Variants in FGGY observed in about 807,000 individuals in gnomAD.
The protein encoded by FGGY is FGGY carbohydrate kinase domain containing.
A neutral mutation model predicts 71.3 loss-of-function variants in FGGY; 72 were observed. The ratio of observed to expected loss-of-function variants is 1.01; its 90% CI spans 0.84 to 1.23. The LOEUF (loss-of-function observed/expected upper bound fraction) is 1.23. Ranked by LOEUF, FGGY falls within the 50% of genes most tolerant of loss-of-function variation. The probability of loss-of-function intolerance (pLI) is 0.00; values close to 1 mark genes in which losing one functional copy is unlikely to be tolerated. For missense variants in FGGY, 668 were observed against 682.3 expected, an observed-to-expected ratio of 0.98 and a Z score of 0.23; for synonymous variants, 251 against 250.3, an observed-to-expected ratio of 1.00 and a Z score of -0.02.
intron 11 of FGGY, among the ~76,000 whole-genome samples, chr1:59,640,218 C>T (rs1017810572): frequency 6.6e-6 from 1 of 152,126 alleles, no homozygotes. Flanking sequence ...CATGAATTTG[C>T]ATCACAACAC....
chr1:59,356,956 C>T (rs1394206569), intron 4 of FGGY, among the ~76,000 whole-genome samples: 1 of 152,138 alleles, frequency 6.6e-6, no homozygotes, highest in Non-Finnish European at 1.5e-5. Context: ...CAGGAGAATC[C>T]AAGACTCATC....
intron 6 of FGGY, among the ~76,000 whole-genome samples, chr1:59,460,877 G>C (rs2092138235): frequency 1.3e-5 from 2 of 152,164 alleles, no homozygotes; most frequent in South Asian, 4.1e-4. Context: ...AAACAGAAAG[G>C]AATAGCATCA....
intron 8 of FGGY, among the ~76,000 whole-genome samples, chr1:59,586,570 A>C (rs1254560790): frequency 6.6e-5 from 10 of 152,144 alleles, no homozygotes; most frequent in Admixed American, 6.5e-4. Context: ...TGACGAGTTA[A>C]TGGATGCAGC....
At chr1:59,591,012 G>A (rs1388288761) in intron 8 of FGGY, among the ~76,000 whole-genome samples, 1 of 152,184 alleles carries the variant, frequency 6.6e-6, no homozygotes, top group Admixed American at 6.6e-5. Context: ...CCTGTTTGCA[G>A]ATGACGTGAT....
chr1:59,478,189 T>G (rs1346212360), intron 6 of FGGY, among the ~76,000 whole-genome samples: 1 of 152,218 alleles, frequency 6.6e-6, no homozygotes, highest in Non-Finnish European at 1.5e-5. Context: ...CAATCTTATC[T>G]TATCCGGATA....
chr1:59,518,418 T>C (rs2094723782), intron 7 of FGGY, among the ~76,000 whole-genome samples: 1 of 152,200 alleles, frequency 6.6e-6, no homozygotes, highest in Non-Finnish European at 1.5e-5. Context: ...GATAAAGAAA[T>C]ATACTTATTG....
chr1:59,660,322 A>G, intron 12 of FGGY, 29 bp downstream of exon 12: 1 of 1,587,418 alleles, frequency 6.3e-7, no homozygotes, highest in Non-Finnish European at 8.6e-7. Flanking sequence ...ATTTTTAAAG[A>G]GACTTAGAGC....
intron 1 of FGGY, among the ~76,000 whole-genome samples, chr1:59,310,590 G>A (rs1054284750): frequency 6.6e-6 from 1 of 152,226 alleles, no homozygotes; most frequent in Non-Finnish European, 1.5e-5. Flanking sequence ...CCAGGGTCCT[G>A]GCACAGGAGT....
chr1:59,698,016 C>A (rs962903253), intron 14 of FGGY, among the ~76,000 whole-genome samples: 2 of 151,946 alleles, frequency 1.3e-5, no homozygotes, highest in African/African-American at 2.4e-5. Context: ...AAAAGCATGT[C>A]TTTTTTTTCC....
intron 6 of FGGY, among the ~76,000 whole-genome samples, chr1:59,489,132 G>T (rs995891906): frequency 3.3e-5 from 5 of 152,086 alleles, no homozygotes; most frequent in Middle Eastern, 3.4e-3. Flanking sequence ...TATTTAGGGG[G>T]TACATAGTGA....
At chr1:59,465,226 T>G (rs1022497373) in intron 6 of FGGY, among the ~76,000 whole-genome samples, 2 of 152,216 alleles carry the variant, frequency 1.3e-5, no homozygotes, top group Non-Finnish European at 2.9e-5. Flanking sequence ...TTAATTAACA[T>G]AATCCATCAC....
At chr1:59,321,117 A>C (rs2046306756) in intron 1 of FGGY, among the ~76,000 whole-genome samples, 1 of 152,156 alleles carries the variant, frequency 6.6e-6, no homozygotes, top group South Asian at 2.1e-4. Flanking sequence ...TGTTGAATGA[A>C]TGACTGACTA....
At position 59,457,752 on chromosome 1, in the gene FGGY, G is replaced by A. The variant is rs74084844; in HGVS notation, c.670+676G>A. ...ATAATTTTACAAATTAGGTTCACAG[G>A]ACAAGGCAAGGCTGTGAACAGGTAA... On this transcript the variant is annotated intron_variant, in intron 6 of 15. Coordinates refer to ENST00000303721, the MANE Select transcript of FGGY (RefSeq NM_018291.5). 5.9e-3 allele frequency among the ~76,000 whole-genome samples: 898 copies of A among 152,238 alleles called. 10 individuals carry two copies. Among genetic ancestry groups the A allele is most frequent in the African/African-American group, 0.021 (869 of 41,524 alleles).
intron 6 of FGGY, among the ~76,000 whole-genome samples, chr1:59,479,275 GGAGA>G (rs150344944): frequency 6.6e-6 from 1 of 151,938 alleles, no homozygotes; most frequent in Non-Finnish European, 1.5e-5. Context: ...GAGTGTGGGG[GGAGA>G]GAGAGAGAGA....
intron 8 of FGGY, among the ~76,000 whole-genome samples, chr1:59,586,211 A>G (rs200170164): frequency 6.6e-6 from 1 of 151,944 alleles, no homozygotes; most frequent in African/African-American, 2.4e-5. Context: ...ACATGCACAC[A>G]TATGTTTATT....
At chr1:59,516,228 T>G (rs2094646967) in intron 7 of FGGY, among the ~76,000 whole-genome samples, 1 of 152,158 alleles carries the variant, frequency 6.6e-6, no homozygotes, top group Non-Finnish European at 1.5e-5. Flanking sequence ...TATTAGGATG[T>G]GGAGGTGAAC....
intron 14 of FGGY, among the ~76,000 whole-genome samples, chr1:59,721,162 G>GT (rs1284799595): frequency 6.6e-6 from 1 of 151,910 alleles, no homozygotes; most frequent in Non-Finnish European, 1.5e-5. Context: ...CCTACTTGAT[G>GT]TTTTTTTCTC....
chr1:59,375,710 A>G (rs2058550318), intron 4 of FGGY, among the ~76,000 whole-genome samples: 1 of 152,134 alleles, frequency 6.6e-6, no homozygotes, highest in Admixed American at 6.5e-5. Flanking sequence ...GAAAGAACGC[A>G]GGGACTCCTT....
chr1:59,678,218 G>C (rs185550375), intron 14 of FGGY, among the ~76,000 whole-genome samples: 8,129 of 152,128 alleles, frequency 0.053, 313 homozygotes, highest in South Asian at 0.18. Context: ...AAGTGGGAGG[G>C]GACACAAAGA....
Sources: allele counts gnomAD v4.1 joint callset (sites outside exome capture counted in the v4.1 genomes callset), GRCh38; gene constraint gnomAD v4.1.1; transcripts MANE v1.5; gene names NCBI Gene and HGNC (gene_info 2026-07-23, HGNC 2026-07-21).